KCNAB1: variants seen among roughly 807,000 people sequenced by gnomAD.
The protein encoded by KCNAB1 is voltage-gated potassium channel subunit beta-1.
KCNAB1 carries 35 observed loss-of-function variants against 64.6 expected under a neutral mutation model. That is an observed-to-expected ratio of 0.54 (90% CI 0.41 to 0.72). The LOEUF (loss-of-function observed/expected upper bound fraction) is 0.72, where lower values mean the gene tolerates loss of function less well. KCNAB1 is among the 30% of genes least tolerant of loss of function. The probability of loss-of-function intolerance (pLI) is 0.00; values close to 1 mark genes in which losing one functional copy is unlikely to be tolerated. For synonymous variants in KCNAB1, 177 were observed against 183.8 expected (o/e 0.96, Z 0.30); for missense variants, 401 against 512.9 (o/e 0.78, Z 2.11).
At chr3:156,403,952 T>C (rs1714077090) in intron 1 of KCNAB1, among the ~76,000 whole-genome samples, 1 of 150,548 alleles carries the variant, frequency 6.6e-6, no homozygotes, top group Non-Finnish European at 1.5e-5. Flanking sequence ...ACAACAGGTG[T>C]GATTAGAGCC....
intron 1 of KCNAB1, among the ~76,000 whole-genome samples, chr3:156,192,850 C>T (rs948666437): frequency 2.0e-5 from 3 of 151,860 alleles, no homozygotes; most frequent in African/African-American, 7.3e-5. Flanking sequence ...ATTTTTCAAT[C>T]CTTTTAGTTT....
chr3:156,373,762 C>T (rs775046769), intron 1 of KCNAB1, among the ~76,000 whole-genome samples: 16 of 152,232 alleles, frequency 1.1e-4, no homozygotes, highest in East Asian at 3.8e-4. Flanking sequence ...AGGCCCTCCA[C>T]GGCCATCAGC....
intron 1 of KCNAB1, among the ~76,000 whole-genome samples, chr3:156,236,566 C>T (rs561343681): frequency 1.3e-5 from 2 of 152,268 alleles, no homozygotes; most frequent in East Asian, 1.9e-4. Context: ...AGCAGCTGAA[C>T]GGTTGATGAA....
In KCNAB1 at chr3:156,535,015, C is replaced by CAA. The variant is rs150665152; in HGVS notation, c.1171-1633_1171-1632dup. Among the ~76,000 whole-genome samples the CAA allele has an allele frequency of 9.9e-4, 142 of 144,064 alleles. 1 individual carries two copies. The highest frequency in any genetic ancestry group is 3.4e-3 in the African/African-American group (135 of 39,358). 94.5% of individuals were successfully genotyped at this position (144,064 alleles called of 152,430 possible). A position where few individuals can be genotyped will look rare whatever the true frequency, so the allele number is the denominator to read the frequency against. ...CGTGGCTAACCCGCTGTATTTTAGA[C>CAA]AAAAAAAAAAATCCAACAAATCCAG... On this transcript the variant is annotated intron_variant, in intron 13 of 13. Coordinates refer to ENST00000490337, the MANE Select transcript of KCNAB1 (RefSeq NM_172160.3).
intron 1 of KCNAB1, among the ~76,000 whole-genome samples, chr3:156,270,211 C>T (rs778954178): frequency 6.6e-5 from 10 of 152,044 alleles, no homozygotes; most frequent in African/African-American, 2.2e-4. Context: ...CCACTGCGCC[C>T]GGCCATATCT....
chr3:156,318,594 A>T (rs1722453309), intron 1 of KCNAB1, among the ~76,000 whole-genome samples: 1 of 152,208 alleles, frequency 6.6e-6, no homozygotes, highest in Admixed American at 6.5e-5. Flanking sequence ...CCTGGTGCCT[A>T]TAAGAGCGTA....
At chr3:156,408,097 G>T (rs34920203) in intron 1 of KCNAB1, among the ~76,000 whole-genome samples, 1,678 of 152,190 alleles carry the variant, frequency 0.011, 14 homozygotes, top group Non-Finnish European at 0.017. Flanking sequence ...AAGAAGCAGG[G>T]AGGCGCTGGG....
intron 1 of KCNAB1, among the ~76,000 whole-genome samples, chr3:156,170,599 T>A (rs1434164318): frequency 6.6e-6 from 1 of 152,198 alleles, no homozygotes; most frequent in Non-Finnish European, 1.5e-5. Flanking sequence ...TGCCACCTGT[T>A]TTGCAGTGCA....
rs759566564 is a variant in KCNAB1 at position 156,474,768 on chromosome 3, G to A, written c.606G>A (p.Glu202=). 12 of 1,613,276 alleles carry A rather than the reference G, an allele frequency of 7.4e-6. No individual in the cohort carries two copies. In the Admixed American group the frequency reaches 1.8e-4, roughly 25 times the overall value. Residue 202 remains glutamate, a synonymous_variant, in exon 8 of 14, where the codon GAG becomes GAA. Coordinates refer to ENST00000490337, the MANE Select transcript of KCNAB1 (RefSeq NM_172160.3). ...GCTCCCTCCAGAGGCTGCAGCTCGA[G>A]TATGTGGATGTGGTCTTTGCAAATC... ...LKGSLQRLQL[E]YVDVVFANRP...
chr3:156,286,793 G>A (rs1242297428), intron 1 of KCNAB1, among the ~76,000 whole-genome samples: 3 of 152,124 alleles, frequency 2.0e-5, no homozygotes, highest in African/African-American at 7.2e-5. Flanking sequence ...CTCTCATAAG[G>A]AAGTTCTTGC....
chr3:156,127,027 T>C (rs1713699752), intron 1 of KCNAB1, among the ~76,000 whole-genome samples: 1 of 152,214 alleles, frequency 6.6e-6, no homozygotes, highest in Non-Finnish European at 1.5e-5. Flanking sequence ...TAAATGGGCA[T>C]AAAAATATCT....
At chr3:156,260,167 C>T (rs1718347232) in intron 1 of KCNAB1, among the ~76,000 whole-genome samples, 1 of 152,168 alleles carries the variant, frequency 6.6e-6, no homozygotes, top group Admixed American at 6.5e-5. Context: ...TTCAGACCTC[C>T]AACCTTTGCT....
At chr3:156,249,852 A>G (rs912773463) in intron 1 of KCNAB1, among the ~76,000 whole-genome samples, 3 of 152,206 alleles carry the variant, frequency 2.0e-5, no homozygotes, top group Non-Finnish European at 2.9e-5. Flanking sequence ...GCTCCACACT[A>G]TGGAAAGGGG....
intron 2 of KCNAB1, among the ~76,000 whole-genome samples, chr3:156,425,442 G>C (rs1715751520): frequency 6.6e-6 from 1 of 152,048 alleles, no homozygotes; most frequent in African/African-American, 2.4e-5. Flanking sequence ...AGAGAAATGG[G>C]AAAAAATATT....
chr3:156,180,908 T>G (rs954504080), intron 1 of KCNAB1, among the ~76,000 whole-genome samples: 7 of 152,336 alleles, frequency 4.6e-5, no homozygotes, highest in African/African-American at 1.7e-4. Flanking sequence ...ACTAGGTGAC[T>G]GAGGAACAGA....
chr3:156,283,623 C>G (rs1228345861), intron 1 of KCNAB1, among the ~76,000 whole-genome samples: 7 of 151,996 alleles, frequency 4.6e-5, no homozygotes, highest in South Asian at 2.1e-4. Context: ...TAGATTTGGT[C>G]TTTTCACATA....
At position 156,508,463 on chromosome 3, in the gene KCNAB1, A is replaced by G. The variant is rs771301188; in HGVS notation, c.659-5901A>G. On this transcript the variant is annotated intron_variant, in intron 8 of 13. Coordinates refer to ENST00000490337, the MANE Select transcript of KCNAB1 (RefSeq NM_172160.3). The surrounding 1 kb of genome is among the most constrained non-coding windows in gnomAD (Gnocchi z 4.1). ...CATGTGATCCAATTTAGAAAATTAA[A>G]ATATTGATCAACCAAAATTGTTTTC... Among the ~76,000 whole-genome samples, 7 of 152,240 alleles carry G rather than the reference A, an allele frequency of 4.6e-5. No individual in the cohort carries two copies. The highest frequency in any genetic ancestry group is 7.2e-5 in the African/African-American group (3 of 41,458).
At chr3:156,436,315 G>A (rs557181646) in intron 2 of KCNAB1, among the ~76,000 whole-genome samples, 3 of 152,034 alleles carry the variant, frequency 2.0e-5, no homozygotes, top group African/African-American at 7.3e-5. Context: ...CCAGTCTATC[G>A]TTGATGGGCA....
intron 1 of KCNAB1, among the ~76,000 whole-genome samples, chr3:156,333,088 C>T (rs893244379): frequency 2.6e-5 from 4 of 152,156 alleles, no homozygotes; most frequent in African/African-American, 9.7e-5. Flanking sequence ...TCCAACCCCA[C>T]TTAGGCATCA....
Sources: gnomAD v4.1 joint callset for allele counts (sites outside exome capture counted in the v4.1 genomes callset) on GRCh38, gnomAD v4.1.1 for gene constraint, Gnocchi (gnomAD v3.1) non-coding constraint, MANE v1.5 for transcripts, NCBI Gene and HGNC (gene_info 2026-07-23, HGNC 2026-07-21) for gene names.